Variants in PARVA observed in about 807,000 individuals in gnomAD.
The protein encoded by PARVA is parvin alpha.
A neutral mutation model predicts 52.6 loss-of-function variants in PARVA; 25 were observed. That is an observed-to-expected ratio of 0.48 (90% CI 0.35 to 0.66). The LOEUF is 0.66. PARVA is among the 30% of genes least tolerant of loss of function. The pLI is 0.01. For synonymous variants in PARVA, 185 were observed against 179.1 expected, an observed-to-expected ratio of 1.03 and a Z score of -0.26; for missense variants, 373 against 450.9, an observed-to-expected ratio of 0.83 and a Z score of 1.56.
intron 5 of PARVA, among the ~76,000 whole-genome samples, chr11:12,497,188 G>C (rs1392461799): frequency 6.6e-6 from 1 of 152,128 alleles, no homozygotes; most frequent in Non-Finnish European, 1.5e-5. Flanking sequence ...TAAATTATTA[G>C]TTCATTTACT....
intron 6 of PARVA, among the ~76,000 whole-genome samples, chr11:12,506,300 TTCATTTATAATAGCTCTC>T (rs1941430253): frequency 6.6e-6 from 1 of 152,222 alleles, no homozygotes; most frequent in Non-Finnish European, 1.5e-5. Flanking sequence ...TGCTGTTATA[TTCATTTATAATAGCTCTC>T]TTATCACTAG....
intron 1 of PARVA, among the ~76,000 whole-genome samples, chr11:12,445,045 T>C (rs554688712): frequency 1.3e-5 from 2 of 152,250 alleles, no homozygotes; most frequent in South Asian, 4.2e-4. Flanking sequence ...TTTTTAACCC[T>C]TGAGTGCACA....
chr11:12,517,693 G>T lies in PARVA; in HGVS notation c.951G>T (p.Pro317=). 2 of 1,600,046 alleles carry T rather than the reference G, an allele frequency of 1.2e-6. No individual in the cohort carries two copies. Among genetic ancestry groups the T allele is most frequent in the East Asian group, 4.5e-5 (2 of 44,380 alleles). The change falls in exon 11 of 13, where the codon CCG becomes CCT. Residue 317 remains proline, a synonymous_variant. Transcript: ENST00000334956. ...CCCTGCACAGCTTCTTCCTGACCCC[G>T]GACAGCTTTGAACAGAAGGTAAGGA... ...FVPLHSFFLT[P]DSFEQKVLNV...
At chr11:12,491,288 C>G (rs1231370767) in intron 4 of PARVA, among the ~76,000 whole-genome samples, 1 of 152,150 alleles carries the variant, frequency 6.6e-6, no homozygotes, top group African/African-American at 2.4e-5. Context: ...TTTCAGCCCC[C>G]CAGGTAGTTA....
At chr11:12,518,356 T>G (rs758684088) in intron 11 of PARVA, 89 bp from the exon 12 acceptor site, 1 of 934,040 alleles carries the variant, frequency 1.1e-6, no homozygotes, top group African/African-American at 1.6e-5. Flanking sequence ...TCCCTCTGGC[T>G]ACAGTGCTGG....
At chr11:12,459,281 T>C (rs1319537096) in intron 1 of PARVA, among the ~76,000 whole-genome samples, 1 of 152,004 alleles carries the variant, frequency 6.6e-6, no homozygotes, top group Non-Finnish European at 1.5e-5. Flanking sequence ...GGAATATGCC[T>C]ATAGTCCCAG....
At chr11:12,508,542 TTTCTC>T in intron 6 of PARVA, 37 bp from the exon 7 acceptor site, 1 of 1,411,122 alleles carries the variant, frequency 7.1e-7, no homozygotes, top group South Asian at 1.2e-5. Flanking sequence ...AAAGCATAGT[TTTCTC>T]TTCTCCTCCC....
chr11:12,509,628 G>C (rs1003766804), intron 7 of PARVA, among the ~76,000 whole-genome samples: 2 of 152,198 alleles, frequency 1.3e-5, no homozygotes, highest in Non-Finnish European at 2.9e-5. Flanking sequence ...GGCTTAACAA[G>C]GACTAAGGGG....
At chr11:12,467,299 T>C (rs1940865425) in intron 1 of PARVA, among the ~76,000 whole-genome samples, 2 of 152,310 alleles carry the variant, frequency 1.3e-5, no homozygotes, top group South Asian at 4.2e-4. Flanking sequence ...TGTTTTATGG[T>C]TGATTCTTTA....
At chr11:12,482,687 T>C (rs10734199) in intron 4 of PARVA, among the ~76,000 whole-genome samples, 63,007 of 151,506 alleles carry the variant, frequency 0.42, 13,702 homozygotes, top group East Asian at 0.67. Context: ...GGTGAGGCCT[T>C]GCAATCATGG....
chr11:12,486,106 C>T (rs973984184), intron 4 of PARVA, among the ~76,000 whole-genome samples: 1 of 152,196 alleles, frequency 6.6e-6, no homozygotes, highest in African/African-American at 2.4e-5. Context: ...ACATAAATAG[C>T]TGTGACATAT....
At chr11:12,378,496 G>T (rs116440240) in intron 1 of PARVA, among the ~76,000 whole-genome samples, 1,678 of 151,898 alleles carry the variant, frequency 0.011, 31 homozygotes, top group African/African-American at 0.038. Context: ...TCATGGGCCT[G>T]CTGTGAACTC....
intron 1 of PARVA, among the ~76,000 whole-genome samples, chr11:12,388,238 A>G (rs141340055): frequency 1.4e-3 from 210 of 152,338 alleles, no homozygotes; most frequent in Non-Finnish European, 2.4e-3. Context: ...ATTTTTGTTC[A>G]GGCCTGGGAC....
At chr11:12,455,700 A>G (rs1235906281) in intron 1 of PARVA, among the ~76,000 whole-genome samples, 1 of 152,098 alleles carries the variant, frequency 6.6e-6, no homozygotes, top group African/African-American at 2.4e-5. Context: ...GGGTAATAGC[A>G]TTCATATTTA....
chr11:12,417,588 TG>T, intron 1 of PARVA, among the ~76,000 whole-genome samples: 1 of 152,306 alleles, frequency 6.6e-6, no homozygotes, highest in Non-Finnish European at 1.5e-5. Flanking sequence ...ATGTATTACT[TG>T]CCTAATATAA....
At chr11:12,441,930 G>A (rs913082393) in intron 1 of PARVA, among the ~76,000 whole-genome samples, 12 of 152,226 alleles carry the variant, frequency 7.9e-5, no homozygotes, top group African/African-American at 2.9e-4. Context: ...TCAAAAAATA[G>A]CATGTGGTAA....
chr11:12,445,755 T>C (rs1318813260), intron 1 of PARVA, among the ~76,000 whole-genome samples: 2 of 152,128 alleles, frequency 1.3e-5, no homozygotes, highest in African/African-American at 4.8e-5. Flanking sequence ...GCCGGCTCCA[T>C]ACATATGGGG....
intron 1 of PARVA, among the ~76,000 whole-genome samples, chr11:12,463,024 C>T (rs970233973): frequency 6.6e-6 from 1 of 151,864 alleles, no homozygotes; most frequent in African/African-American, 2.4e-5. Flanking sequence ...ACCCCCAACC[C>T]TTCATGAACA....
chr11:12,438,941 T>C (rs747088322), intron 1 of PARVA, among the ~76,000 whole-genome samples: 9 of 152,126 alleles, frequency 5.9e-5, no homozygotes, highest in Non-Finnish European at 1.2e-4. Flanking sequence ...TCTTTGGGAT[T>C]AAAAATTGGC....
Sources: allele counts gnomAD v4.1 joint callset (sites outside exome capture counted in the v4.1 genomes callset), GRCh38; gene constraint gnomAD v4.1.1; transcripts MANE v1.5; gene names NCBI Gene and HGNC (gene_info 2026-07-23, HGNC 2026-07-21).